Variants in PHYKPL observed in about 807,000 individuals in gnomAD.
PHYKPL encodes 5-phosphohydroxy-L-lysine phospho-lyase, also known as 5-phosphonooxy-L-lysine phospho-lyase.
A neutral mutation model predicts 51.3 loss-of-function variants in PHYKPL; 42 were observed. The observed-to-expected ratio is 0.82, with a 90% confidence interval of 0.64 to 1.06. PHYKPL has a LOEUF of 1.06. Ranked by LOEUF, PHYKPL falls within the 50% of genes least tolerant of loss-of-function variation. PHYKPL has a pLI of 0.00. For missense variants in PHYKPL, 655 were observed against 586.6 expected (o/e 1.12, Z -1.20); for synonymous variants, 264 against 236.0 (o/e 1.12, Z -1.09).
At chr5:178,223,863 CCACAGCT>C (rs1438308934) in intron 6 of PHYKPL, 2 of 211,920 alleles carry the variant, frequency 9.4e-6, no homozygotes, top group East Asian at 2.8e-4. Flanking sequence ...TCAGGCCTCC[CCACAGCT>C]CACTTGGGGC....
intron 12 of PHYKPL, among the ~76,000 whole-genome samples, 167 bp from the exon 13 acceptor site, chr5:178,209,082 G>C (rs1757354433): frequency 6.6e-6 from 1 of 152,216 alleles, no homozygotes; most frequent in Non-Finnish European, 1.5e-5. Context: ...ATTAGATACG[G>C]AGTTGCTCTG....
intron 12 of PHYKPL, chr5:178,209,369 C>T: frequency 6.2e-7 from 1 of 1,614,210 alleles, no homozygotes; most frequent in Non-Finnish European, 8.5e-7. Context: ...AGTCTATCAG[C>T]AGCAGCAGTA....
chr5:178,210,678 T>C (rs1226907333), intron 12 of PHYKPL: 3 of 1,361,006 alleles, frequency 2.2e-6, no homozygotes, highest in East Asian at 2.3e-5. Flanking sequence ...GGATATGGAG[T>C]GAACACAATT....
chr5:178,232,498 A>G lies in PHYKPL; in HGVS notation c.53T>C (p.Leu18Pro). 2 of 1,176,120 alleles carry G rather than the reference A, an allele frequency of 1.7e-6. No homozygotes were observed. Among genetic ancestry groups the G allele is most frequent in the South Asian group, 3.9e-5 (2 of 51,938 alleles). 72.9% of individuals were successfully genotyped at this position (1,176,120 alleles called of 1,614,324 possible). The change falls in exon 1 of 13, where the codon CTC becomes CCC. Residue 18 changes from leucine (L) to proline (P), a missense_variant. Physicochemically the swap from Leu to Pro is moderately conservative, Grantham distance 98. Transcript: ENST00000308158. ...KADTLALRQR[L>P]ISSSCRLFFP... ...CCGCCCCCCGCCCGGGTACCTGATG[A>G]GCCGTTGCCTCAGGGCCAGCGTGTC...
At position 178,222,546 on chromosome 5, in the gene PHYKPL, C is replaced by G. The variant is rs752344333; in HGVS notation, c.736G>C (p.Asp246His). 6.2e-7 allele frequency: 1 copy of G among 1,614,254 alleles called. No homozygotes were observed. Among genetic ancestry groups the G allele is most frequent in the South Asian group, 1.1e-5 (1 of 91,088 alleles). ...CGGCCAAAGCCAACCTGGATCTCAT[C>G]TGCAACAAAGACCCCTCCGGCCTTG... Reference protein sequence around the residue: ...IRKAGGVFVADEIQVGFGRVG... With the variant: ...IRKAGGVFVAHEIQVGFGRVG... Residue 246 changes from aspartate to histidine, a missense_variant, in exon 8 of 13, where the codon GAT becomes CAT. Coordinates refer to ENST00000308158, the MANE Select transcript of PHYKPL (RefSeq NM_153373.4).
chr5:178,227,031 AGCCAGAGGGG>A (rs891017412), intron 3 of PHYKPL, among the ~76,000 whole-genome samples: 4 of 152,166 alleles, frequency 2.6e-5, no homozygotes, highest in Admixed American at 2.6e-4. Context: ...TGGGAGAGCG[AGCCAGAGGGG>A]GCATGTTTAT....
Position 178,211,940 on chromosome 5 carries a change from G to A in PHYKPL, c.1334C>T (p.Thr445Met), listed in dbSNP as rs775710083. Residue 445 changes from threonine to methionine, a missense_variant, in exon 12 of 13, where the codon ACG becomes ATG. Transcript: ENST00000308158. ...DMEEKVRSCE[T>M]LRLQP ...GCTGGCTTAGGGCTGGAGCCTCAGC[G>A]TTTCACAACTTCTCACCTTCTCTTC... The A allele has an allele frequency of 8.7e-6, 14 of 1,614,074 alleles. No individual in the cohort carries two copies. Among genetic ancestry groups the A allele is most frequent in the East Asian group, 4.5e-5 (2 of 44,892 alleles).
intron 8 of PHYKPL, 173 bp from the exon 9 acceptor site, chr5:178,215,603 G>C (rs1759614194): frequency 7.1e-6 from 5 of 699,628 alleles, no homozygotes; most frequent in Non-Finnish European, 1.1e-5. Flanking sequence ...TTCAACATGG[G>C]CTGTCCTGGC....
At chr5:178,216,824 TGAG>T (rs1759895224) in intron 8 of PHYKPL, 1 of 152,186 alleles carries the variant, frequency 6.6e-6, no homozygotes, top group Non-Finnish European at 1.5e-5. Flanking sequence ...TTGCCTAAGG[TGAG>T]GAGTTCGAGA....
In PHYKPL at chr5:178,224,492, C is replaced by G. The variant is rs777180434; in HGVS notation, c.574G>C (p.Glu192Gln). The G allele has an allele frequency of 1.9e-6, 3 of 1,610,592 alleles. No homozygotes were observed. In the South Asian group the frequency reaches 3.3e-5, roughly 18 times the overall value. The change falls in exon 6 of 13, where the codon GAG becomes CAG. Residue 192 changes from glutamate (E) to glutamine (Q), a missense_variant. Coordinates refer to ENST00000308158, the MANE Select transcript of PHYKPL (RefSeq NM_153373.4). Reference protein sequence around the residue: ...HPNPAMAYANEVKRVVSSAQE... With the variant: ...HPNPAMAYANQVKRVVSSAQE... ...GCACTGCTGACCACACGTTTCACCT[C>G]GTTGGCATAGGCCATAGCTGGGTTG... is the stretch of plus-strand genomic sequence containing the variant.
In PHYKPL at chr5:178,232,623, C is replaced by CTCCGGGCCCA. The variant is rs1763766605; in HGVS notation, c.-74_-73insTGGGCCCGGA. On this transcript the variant is annotated 5_prime_UTR_variant, in exon 1 of 13. Transcript: ENST00000308158. ...CGCGCGGGCTGGGCCTCCAAGGCCC[C>CTCCGGGCCCA]GCTCCGGGCCCCGCCCCTGCCTGGG... The CTCCGGGCCCA allele has an allele frequency of 4.9e-6, 6 of 1,234,182 alleles. No homozygotes were observed. Among genetic ancestry groups the CTCCGGGCCCA allele is most frequent in the Non-Finnish European group, 6.1e-6 (6 of 987,418 alleles). The allele number at this position is 1,234,182 out of a possible 1,614,324, so 76.5% of individuals were successfully genotyped here.
chr5:178,230,383 C>A (rs1203277813), intron 2 of PHYKPL: 4 of 373,640 alleles, frequency 1.1e-5, no homozygotes, highest in East Asian at 1.1e-4. Flanking sequence ...TTTAACAGGG[C>A]CTTACTCTGT....
intron 11 of PHYKPL, among the ~76,000 whole-genome samples, chr5:178,212,769 C>T (rs567289498): frequency 1.8e-4 from 28 of 152,356 alleles, no homozygotes; most frequent in African/African-American, 6.5e-4. Flanking sequence ...CACCTCCTGA[C>T]AGCCCAGGAA....
chr5:178,219,190 A>G (rs1400886263), intron 8 of PHYKPL, among the ~76,000 whole-genome samples: 1 of 152,004 alleles, frequency 6.6e-6, no homozygotes, highest in Non-Finnish European at 1.5e-5. Context: ...CTATAAAACA[A>G]AATGATAAGA....
Position 178,232,524 on chromosome 5 carries a change from G to A in PHYKPL, c.27C>T (p.Ala9=). 7.5e-7 allele frequency: 1 copy of A among 1,325,458 alleles called. No individual in the cohort carries two copies. The highest frequency in any genetic ancestry group is 9.6e-7 in the Non-Finnish European group (1 of 1,045,168). The allele number at this position is 1,325,458 out of a possible 1,614,324, so 82.1% of individuals were successfully genotyped here. Residue 9 remains alanine, a synonymous_variant, in exon 1 of 13, where the codon GCC becomes GCT. Transcript: ENST00000308158. ...GCCGTTGCCTCAGGGCCAGCGTGTC[G>A]GCCTTCGGGCGCTGGTCTGCGGCCA... is the stretch of plus-strand genomic sequence containing the variant. MAADQRPK[A]DTLALRQRLI...
At chr5:178,226,319 G>C (rs902665089) in intron 3 of PHYKPL, 1 of 151,872 alleles carries the variant, frequency 6.6e-6, no homozygotes, top group Non-Finnish European at 1.5e-5. Context: ...CACCCGCCTC[G>C]GCCTCCCAAA....
chr5:178,223,820 C>T (rs570284564), intron 6 of PHYKPL: 23 of 250,696 alleles, frequency 9.2e-5, no homozygotes, highest in Admixed American at 2.6e-4. Flanking sequence ...CCTATGTCTG[C>T]GCCTCCACTC....
rs765045416 is a variant in PHYKPL, at chr5:178,211,956, CCTT to C, written c.1315_1317del (p.Lys439del). 1.5e-5 allele frequency: 25 copies of C among 1,614,076 alleles called. No individual in the cohort carries two copies. Among genetic ancestry groups the C allele is most frequent in the Admixed American group, 5.0e-5 (3 of 60,012 alleles). ...AGCCTCAGCGTTTCACAACTTCTCA[CCTT>C]CTCTTCCATGTCTGAAAAAGACCAC... On this transcript the variant is annotated inframe_deletion, in exon 12 of 13. Transcript: ENST00000308158.
chr5:178,224,776 T>G, intron 4 of PHYKPL, 47 bp from the exon 5 acceptor site: 1 of 1,480,030 alleles, frequency 6.8e-7, no homozygotes, highest in African/African-American at 1.4e-5. Flanking sequence ...CAGCACCTAC[T>G]CCCTGGCCCA....
Sources: gnomAD v4.1 joint callset for allele counts (sites outside exome capture counted in the v4.1 genomes callset) on GRCh38, gnomAD v4.1.1 for gene constraint, MANE v1.5 for transcripts, NCBI Gene and HGNC (gene_info 2026-07-23, HGNC 2026-07-21) for gene names.